Variants in KCNQ1 observed in about 807,000 individuals in gnomAD.
The protein encoded by KCNQ1 is potassium voltage-gated channel subfamily Q member 1.
Under a neutral mutation model 72.4 loss-of-function variants are expected in KCNQ1, and 49 were observed. The ratio of observed to expected loss-of-function variants is 0.68; its 90% confidence interval spans 0.54 to 0.86. The LOEUF is 0.86. KCNQ1 is among the 40% of genes least tolerant of loss of function. The probability of loss-of-function intolerance (pLI) is 0.00; values close to 1 mark genes in which losing one functional copy is unlikely to be tolerated. For synonymous variants in KCNQ1, 450 were observed against 412.6 expected, an observed-to-expected ratio of 1.09 and a Z score of -1.10; for missense variants, 790 against 945.1, an observed-to-expected ratio of 0.84 and a Z score of 2.15.
At chr11:2,500,074 G>T (rs1311534305) in intron 1 of KCNQ1, among the ~76,000 whole-genome samples, 1 of 152,200 alleles carries the variant, frequency 6.6e-6, no homozygotes, top group Non-Finnish European at 1.5e-5. Flanking sequence ...TGAATGACCA[G>T]AGGGTCAAGG....
In KCNQ1 at chr11:2,508,720, T is replaced by C. The variant is rs1049575436; in HGVS notation, c.387-19208T>C. ...AGATGGCAGTGACCACCTGGCTTCC[T>C]CTATAGAAACTCCCCGAATGGGAGG... On this transcript the variant is annotated intron_variant, in intron 1 of 15. Coordinates refer to ENST00000155840, the MANE Select transcript of KCNQ1 (RefSeq NM_000218.3). This position sits in a 1 kb window ranked among gnomAD's most constrained non-coding sequence, Gnocchi z 6.2. Among the ~76,000 whole-genome samples, 5 of 152,144 alleles carry C rather than the reference T, an allele frequency of 3.3e-5. No individual in the cohort carries two copies. The highest frequency in any genetic ancestry group is 5.9e-5 in the Non-Finnish European group (4 of 68,012).
intron 15 of KCNQ1, among the ~76,000 whole-genome samples, chr11:2,821,266 A>G (rs571946512): frequency 6.6e-6 from 1 of 152,344 alleles, no homozygotes; most frequent in East Asian, 1.9e-4. Context: ...CCAGGTGCAG[A>G]GGCCCCGCGT....
In KCNQ1 at chr11:2,563,356, A is replaced by T. The variant is rs1163404877; in HGVS notation, c.478-7272A>T. 6.6e-6 allele frequency among the ~76,000 whole-genome samples: 1 copy of T among 152,190 alleles called. No individual in the cohort carries two copies. On this transcript the variant is annotated intron_variant, in intron 2 of 15. Coordinates refer to ENST00000155840, the MANE Select transcript of KCNQ1 (RefSeq NM_000218.3). The surrounding 1 kb of genome is among the most constrained non-coding windows in gnomAD (Gnocchi z 7.4). The stretch of plus-strand genomic sequence containing the variant: ...CGCTCTGTTCACTCGGAGACTAAAA[A>T]TCCCAGATAAGCACCTGCTTTGCTA...
intron 11 of KCNQ1, among the ~76,000 whole-genome samples, chr11:2,743,785 G>C (rs1458010319): frequency 6.6e-6 from 1 of 152,250 alleles, no homozygotes; most frequent in East Asian, 1.9e-4. Context: ...GTTGCCCCCA[G>C]CAATGACATC....
At chr11:2,793,582 C>G (rs988960406) in intron 15 of KCNQ1, among the ~76,000 whole-genome samples, 4 of 152,146 alleles carry the variant, frequency 2.6e-5, no homozygotes, top group African/African-American at 9.7e-5. Flanking sequence ...CATGATCACA[C>G]CACTGCACTC....
At chr11:2,578,544 T>C (rs373862737) in intron 6 of KCNQ1, among the ~76,000 whole-genome samples, 1 of 152,194 alleles carries the variant, frequency 6.6e-6, no homozygotes, top group African/African-American at 2.4e-5. Flanking sequence ...TTCCAAGCCC[T>C]GGAGAGGGGA....
In KCNQ1 at chr11:2,469,522, C is replaced by T. The variant is rs183550886; in HGVS notation, c.386+24038C>T. ...TCCTGACCTCGTGATCCACCTGCCTCGGCCTCCCAAAGTGCTGGGATTACA... is the reference window on the plus strand; with the variant it reads ...TCCTGACCTCGTGATCCACCTGCCTTGGCCTCCCAAAGTGCTGGGATTACA... On this transcript the variant is annotated intron_variant, in intron 1 of 15. Coordinates refer to ENST00000155840, the MANE Select transcript of KCNQ1 (RefSeq NM_000218.3). 4.6e-5 allele frequency among the ~76,000 whole-genome samples: 7 copies of T among 152,236 alleles called. No homozygotes were observed. In the East Asian group the frequency reaches 9.7e-4, roughly 21 times the overall value.
rs1848769662 is a variant in KCNQ1, at chr11:2,599,264, T to C, written c.1393+10410T>C. On this transcript the variant is annotated intron_variant, in intron 10 of 15. Coordinates refer to ENST00000155840, the MANE Select transcript of KCNQ1 (RefSeq NM_000218.3). This position sits in a 1 kb window ranked among gnomAD's most constrained non-coding sequence, Gnocchi z 4.7. ...TTTCCAAACTCACGGGATCATATCATACCTGCTTTCTGCATCTTGTTTTTC... is the reference window on the plus strand; with the variant it reads ...TTTCCAAACTCACGGGATCATATCACACCTGCTTTCTGCATCTTGTTTTTC... Among the ~76,000 whole-genome samples, 1 of 152,188 alleles carries C rather than the reference T, an allele frequency of 6.6e-6. No individual in the cohort carries two copies. The highest frequency in any genetic ancestry group is 2.1e-4 in the South Asian group (1 of 4,834).
chr11:2,502,773 G>A (rs1847038680), intron 1 of KCNQ1, among the ~76,000 whole-genome samples: 1 of 152,172 alleles, frequency 6.6e-6, no homozygotes, highest in Non-Finnish European at 1.5e-5. Flanking sequence ...CACATTACCT[G>A]AGTTCAAATT....
chr11:2,708,449 G>GC (rs994748275), intron 11 of KCNQ1, among the ~76,000 whole-genome samples: 1 of 152,178 alleles, frequency 6.6e-6, no homozygotes, highest in Non-Finnish European at 1.5e-5. Context: ...GGCACCCACA[G>GC]CCCCCGAGGA....
chr11:2,694,764 C>T (rs766564175), intron 11 of KCNQ1: 20 of 398,296 alleles, frequency 5.0e-5, no homozygotes, highest in Non-Finnish European at 8.4e-5. Flanking sequence ...ACTAGAAAAG[C>T]GTAGCCTGTG....
chr11:2,682,674 C>G lies in KCNQ1; in HGVS notation c.1514+20593C>G, dbSNP rs554725020. The G allele has an allele frequency of 1.0e-5, 4 of 398,588 alleles. No individual in the cohort carries two copies. In the East Asian group the frequency reaches 1.4e-4, roughly 14 times the overall value. The allele number at this position is 398,588 out of a possible 1,614,324, so 24.7% of individuals were successfully genotyped here. ...AGGGCTCATGTCCACATGCTATTGT[C>G]CATAGAAGCTGGGGTCCAAAGTTGA... On this transcript the variant is annotated intron_variant, in intron 11 of 15. Transcript: ENST00000155840. This position sits in a 1 kb window ranked among gnomAD's most constrained non-coding sequence, Gnocchi z 5.8.
intron 1 of KCNQ1, among the ~76,000 whole-genome samples, chr11:2,510,736 T>C (rs974359287): frequency 6.6e-6 from 1 of 152,212 alleles, no homozygotes; most frequent in Non-Finnish European, 1.5e-5. Flanking sequence ...GATGCTTCTC[T>C]GGTTAGCAGC....
intron 2 of KCNQ1, among the ~76,000 whole-genome samples, chr11:2,532,507 T>C (rs1044151979): frequency 6.6e-6 from 1 of 152,108 alleles, no homozygotes; most frequent in Non-Finnish European, 1.5e-5. Context: ...TGGGGGCACG[T>C]TGGGGACACA....
rs1848757962 is a variant in KCNQ1, at chr11:2,598,240, C to T, written c.1393+9386C>T. Among the ~76,000 whole-genome samples, 1 of 152,076 alleles carries T rather than the reference C, an allele frequency of 6.6e-6. No individual in the cohort carries two copies. ...GTAGATCTGATTATGAAATATGTTCCTTTTCATTGCTTTCTTGATAGTTTT... is the reference window on the plus strand; with the variant it reads ...GTAGATCTGATTATGAAATATGTTCTTTTTCATTGCTTTCTTGATAGTTTT... On this transcript the variant is annotated intron_variant, in intron 10 of 15. Transcript: ENST00000155840. This position sits in a 1 kb window ranked among gnomAD's most constrained non-coding sequence, Gnocchi z 6.2.
chr11:2,525,407 C>T (rs1165558418), intron 1 of KCNQ1, among the ~76,000 whole-genome samples: 1 of 152,234 alleles, frequency 6.6e-6, no homozygotes, highest in Non-Finnish European at 1.5e-5. Context: ...CCACCGCGTG[C>T]TAGCGCTGTG....
chr11:2,644,225 G>T (rs1487599999), intron 10 of KCNQ1: 5 of 398,168 alleles, frequency 1.3e-5, no homozygotes, highest in African/African-American at 1.0e-4. Context: ...GGACACTGAA[G>T]GTGTCACCTT....
Position 2,490,876 on chromosome 11 carries a change from TG to T in KCNQ1, c.387-37051del, listed in dbSNP as rs1383599370. 3.9e-4 allele frequency among the ~76,000 whole-genome samples: 59 copies of T among 152,258 alleles called. No homozygotes were observed. In the East Asian group the frequency reaches 5.8e-3, roughly 15 times the overall value. On this transcript the variant is annotated intron_variant, in intron 1 of 15. Transcript: ENST00000155840. ...GCTAATTTTTGTTTGTTTGTTTGTT[TG>T]TTTGTTTTAGTAGAGACAGGGTTTC...
chr11:2,480,610 G>A (rs1846636750), intron 1 of KCNQ1, among the ~76,000 whole-genome samples: 1 of 152,192 alleles, frequency 6.6e-6, no homozygotes, highest in Non-Finnish European at 1.5e-5. Context: ...AGTTCAAGAT[G>A]AGATTTGGGT....
Sources: gnomAD v4.1 joint callset for allele counts (sites outside exome capture counted in the v4.1 genomes callset) on GRCh38, gnomAD v4.1.1 for gene constraint, Gnocchi (gnomAD v3.1) non-coding constraint, MANE v1.5 for transcripts, NCBI Gene and HGNC (gene_info 2026-07-23, HGNC 2026-07-21) for gene names.